The following MRAP2 variants were observed in gnomAD, a reference collection of about 807,000 sequenced individuals.
The protein encoded by MRAP2 is melanocortin 2 receptor accessory protein 2.
MRAP2 carries 20 observed loss-of-function variants against 17.4 expected under a neutral mutation model. The observed-to-expected ratio is 1.15, with a 90% CI of 0.81 to 1.67. The LOEUF is 1.67. Ranked by LOEUF, MRAP2 falls within the 40% of genes most tolerant of loss-of-function variation. The probability of loss-of-function intolerance (pLI) is 0.00; values close to 1 mark genes in which losing one functional copy is unlikely to be tolerated. For synonymous variants in MRAP2, 96 were observed against 88.4 expected (o/e 1.09, Z -0.48); for missense variants, 238 against 240.0 (o/e 0.99, Z 0.05).
At chr6:84,066,978 C>T (rs1399302340) in intron 3 of MRAP2, among the ~76,000 whole-genome samples, 1 of 152,080 alleles carries the variant, frequency 6.6e-6, no homozygotes, top group Non-Finnish European at 1.5e-5. Flanking sequence ...TATTGGTGCA[C>T]CCATCACCCG....
chr6:84,054,874 A>G (rs2099491311), intron 1 of MRAP2, among the ~76,000 whole-genome samples: 1 of 152,214 alleles, frequency 6.6e-6, no homozygotes. Context: ...ATCAATGTCA[A>G]TCTGAGATTG....
chr6:84,116,858 G>A, the MRAP2 span, among the ~76,000 whole-genome samples: 2 of 152,072 alleles, frequency 1.3e-5, no homozygotes, highest in Admixed American at 6.6e-5. Flanking sequence ...TGGTGGATAA[G>A]CTTTTTGATG....
At chr6:84,059,461 AC>A (rs759581630) in intron 2 of MRAP2, among the ~76,000 whole-genome samples, 1 of 152,164 alleles carries the variant, frequency 6.6e-6, no homozygotes, top group African/African-American at 2.4e-5. Flanking sequence ...TGAAGTATTA[AC>A]CCTTGTTTTT....
At chr6:84,079,254 A>G (rs1206212793) in intron 3 of MRAP2, among the ~76,000 whole-genome samples, 2 of 151,988 alleles carry the variant, frequency 1.3e-5, no homozygotes, top group Non-Finnish European at 2.9e-5. Flanking sequence ...ATGCAACAAT[A>G]TAGCTAAATC....
At position 84,055,408 on chromosome 6, in the gene MRAP2, T is replaced by G; in HGVS notation, c.90T>G (p.Ile30Met). Residue 30 changes from isoleucine (I) to methionine (M), a missense_variant, in exon 2 of 4, where the codon ATT becomes ATG. Physicochemically the swap from Ile to Met is conservative, Grantham distance 10 (BLOSUM62 1). Coordinates refer to ENST00000257776, the MANE Select transcript of MRAP2 (RefSeq NM_138409.4). ...DYTWEYEYYE[I>M]GPVSFEGLKA... ...CCTGGGAATATGAATATTATGAGAT[T>G]GGACCAGTTTCCTTTGAAGGACTGA... is the stretch of plus-strand genomic sequence containing the variant. The G allele has an allele frequency of 1.9e-6, 3 of 1,613,118 alleles. No homozygotes were observed. Among genetic ancestry groups the G allele is most frequent in the Non-Finnish European group, 2.5e-6 (3 of 1,179,724 alleles).
intron 3 of MRAP2, among the ~76,000 whole-genome samples, chr6:84,077,982 G>A (rs2099498021): frequency 6.6e-6 from 1 of 152,052 alleles, no homozygotes; most frequent in South Asian, 2.1e-4. Context: ...AATTTTGAAC[G>A]TTACTTAATT....
the MRAP2 span, among the ~76,000 whole-genome samples, chr6:84,125,561 G>C: frequency 6.6e-6 from 1 of 152,026 alleles, no homozygotes; most frequent in Non-Finnish European, 1.5e-5. Flanking sequence ...AGATCATAAG[G>C]GTGGGGACTT....
chr6:84,060,241 C>G (rs1401839934), intron 2 of MRAP2, among the ~76,000 whole-genome samples: 1 of 152,198 alleles, frequency 6.6e-6, no homozygotes, highest in Non-Finnish European at 1.5e-5. Context: ...CTGCCTCTCC[C>G]CAACTCTGCC....
At chr6:84,110,434 G>GT in the MRAP2 span, among the ~76,000 whole-genome samples, 11 of 151,182 alleles carry the variant, frequency 7.3e-5, no homozygotes, top group South Asian at 6.3e-4. Flanking sequence ...TTTTGATGGG[G>GT]TTTTTTTTTC....
chr6:84,102,188 G>A, the MRAP2 span, among the ~76,000 whole-genome samples: 2 of 152,186 alleles, frequency 1.3e-5, no homozygotes, highest in Non-Finnish European at 2.9e-5. Flanking sequence ...CGGTTTGAAG[G>A]AAGGGGAGTG....
chr6:84,091,960 C>G (rs1213396023), downstream of MRAP2, among the ~76,000 whole-genome samples: 2 of 152,200 alleles, frequency 1.3e-5, no homozygotes, highest in Non-Finnish European at 2.9e-5. Context: ...TATTCTCTTC[C>G]AGTTCTAGAG....
the MRAP2 span, among the ~76,000 whole-genome samples, chr6:84,114,294 C>A: frequency 1.3e-5 from 2 of 151,984 alleles, no homozygotes; most frequent in Non-Finnish European, 2.9e-5. Context: ...TCTTTTTTCT[C>A]TAATCTTGTT....
At chr6:84,117,645 GTGTGTCT>G in the MRAP2 span, among the ~76,000 whole-genome samples, 119 of 104,570 alleles carry the variant, frequency 1.1e-3, no homozygotes, top group African/African-American at 9.5e-3. Flanking sequence ...GATGTGGGGT[GTGTGTCT>G]GTGTGTGTGT....
the MRAP2 span, among the ~76,000 whole-genome samples, chr6:84,140,032 CTTG>C: frequency 6.7e-6 from 1 of 149,290 alleles, no homozygotes; most frequent in African/African-American, 2.6e-5. Flanking sequence ...CACCTTTTAT[CTTG>C]TTTTATGTCC....
chr6:84,041,119 G>A (rs868621523), intron 1 of MRAP2, among the ~76,000 whole-genome samples: 1 of 152,208 alleles, frequency 6.6e-6, no homozygotes, highest in Non-Finnish European at 1.5e-5. Context: ...AGTCATTGCA[G>A]CCATGGCTAA....
intron 3 of MRAP2, among the ~76,000 whole-genome samples, chr6:84,072,435 G>A (rs1382716008): frequency 2.0e-5 from 3 of 152,180 alleles, no homozygotes; most frequent in African/African-American, 7.2e-5. Flanking sequence ...ATCGTTTATG[G>A]GTCTCTCAGC....
intron 3 of MRAP2, among the ~76,000 whole-genome samples, chr6:84,075,079 G>A (rs2099497230): frequency 1.3e-5 from 2 of 152,198 alleles, no homozygotes; most frequent in South Asian, 4.1e-4. Flanking sequence ...TTGGCAAGGG[G>A]CAGACAGAAA....
chr6:84,035,467 T>G (rs1030826926), intron 1 of MRAP2: 13 of 965,584 alleles, frequency 1.3e-5, no homozygotes, highest in Non-Finnish European at 1.6e-5. Flanking sequence ...TCTTCAAATG[T>G]GGGCTGTGAC....
At chr6:84,131,136 T>C in the MRAP2 span, among the ~76,000 whole-genome samples, 1 of 152,162 alleles carries the variant, frequency 6.6e-6, no homozygotes, top group Non-Finnish European at 1.5e-5. Flanking sequence ...TCAGGAGCAG[T>C]GGTTCAGTTT....
Sources: gnomAD v4.1 joint callset for allele counts (sites outside exome capture counted in the v4.1 genomes callset) on GRCh38, gnomAD v4.1.1 for gene constraint, MANE v1.5 for transcripts, NCBI Gene and HGNC (gene_info 2026-07-23, HGNC 2026-07-21) for gene names.